MSMO1: variants seen among roughly 807,000 people sequenced by gnomAD.
MSMO1 encodes C-4 methylsterol oxidase.
MSMO1 carries 18 observed loss-of-function variants against 30.4 expected under a neutral mutation model. The ratio of observed to expected loss-of-function variants is 0.59; its 90% confidence interval spans 0.41 to 0.88. The LOEUF is 0.88. Ranked by LOEUF, MSMO1 falls within the 40% of genes least tolerant of loss-of-function variation. MSMO1 has a pLI of 0.00. For missense variants in MSMO1, 284 were observed against 340.5 expected, an observed-to-expected ratio of 0.83 and a Z score of 1.31; for synonymous variants, 84 against 107.9, an observed-to-expected ratio of 0.78 and a Z score of 1.37.
At chr4:165,339,240 G>C (rs1021025082) in intron 4 of MSMO1, among the ~76,000 whole-genome samples, 3 of 151,750 alleles carry the variant, frequency 2.0e-5, no homozygotes, top group African/African-American at 7.3e-5. Flanking sequence ...AGGTAGCTGG[G>C]ATTACAGGCA....
At chr4:165,328,231 G>T (rs1280021648) in intron 1 of MSMO1, 1 of 152,302 alleles carries the variant, frequency 6.6e-6, no homozygotes, top group African/African-American at 2.4e-5. Context: ...GTAAGGGAAC[G>T]ATATTTCCGT....
At chr4:165,338,261 T>C (rs1224180709) in intron 3 of MSMO1, among the ~76,000 whole-genome samples, 1 of 150,942 alleles carries the variant, frequency 6.6e-6, no homozygotes, top group Non-Finnish European at 1.5e-5. Context: ...GAATCATTTA[T>C]GAGGTTTATA....
intron 1 of MSMO1, among the ~76,000 whole-genome samples, chr4:165,331,483 A>G (rs1465897873): frequency 1.3e-5 from 2 of 150,126 alleles, no homozygotes; most frequent in Admixed American, 6.6e-5. Flanking sequence ...GAGCAAAGAA[A>G]TTTTAAGGCC....
intron 1 of MSMO1, among the ~76,000 whole-genome samples, chr4:165,332,889 GA>G (rs941940563): frequency 6.6e-6 from 1 of 151,864 alleles, no homozygotes; most frequent in Non-Finnish European, 1.5e-5. Context: ...TTTAATCTTT[GA>G]CTTTGTCTTT....
chr4:165,327,838 A>G (rs1747279539), intron 1 of MSMO1, 74 bp downstream of exon 1: 1 of 152,302 alleles, frequency 6.6e-6, no homozygotes, highest in Non-Finnish European at 1.5e-5. Context: ...GCTCCGTGAG[A>G]TCGAGGGGAG....
At chr4:165,328,147 T>A (rs1445332452) in intron 1 of MSMO1, 2 of 151,142 alleles carry the variant, frequency 1.3e-5, no homozygotes, top group East Asian at 3.9e-4. Context: ...GCTTTGGGAG[T>A]AGTGGGGTTG....
intron 2 of MSMO1, among the ~76,000 whole-genome samples, chr4:165,334,737 C>CAGCAAAA (rs1244174365): frequency 6.6e-6 from 1 of 152,166 alleles, no homozygotes; most frequent in African/African-American, 2.4e-5. Context: ...ATGATAGTTT[C>CAGCAAAA]TAGTGTTTGC....
chr4:165,337,702 A>G, intron 2 of MSMO1, 87 bp from the exon 3 acceptor site: 1 of 1,324,474 alleles, frequency 7.6e-7, no homozygotes, highest in East Asian at 2.3e-5. Flanking sequence ...CGTAGAATTA[A>G]GGTCCAACAT....
At position 165,342,746 on chromosome 4, in the gene MSMO1, G is replaced by C. The variant is rs1747750586; in HGVS notation, c.*800G>C. The C allele has an allele frequency of 6.6e-6, 1 of 152,172 alleles. No individual in the cohort carries two copies. The highest frequency in any genetic ancestry group is 6.5e-5 in the Admixed American group (1 of 15,268). The allele number at this position is 152,172 out of a possible 1,614,324, so 9.4% of individuals were successfully genotyped here. Reference sequence around the variant, plus strand: ...CAATTGATAGCAGTGAGTGACTGAAGCTTCCAAATCAAGAAAAGCCGGCAC... The same window carrying C: ...CAATTGATAGCAGTGAGTGACTGAACCTTCCAAATCAAGAAAAGCCGGCAC... On this transcript the variant is annotated 3_prime_UTR_variant, in exon 6 of 6. Coordinates refer to ENST00000261507, the MANE Select transcript of MSMO1 (RefSeq NM_006745.5).
At chr4:165,335,852 TTTGAGCA>T (rs1227239596) in intron 2 of MSMO1, among the ~76,000 whole-genome samples, 1 of 152,202 alleles carries the variant, frequency 6.6e-6, no homozygotes, top group Non-Finnish European at 1.5e-5. Flanking sequence ...AAGTCCATGC[TTTGAGCA>T]TTTTTGATAA....
Position 165,327,694 on chromosome 4 carries a change from C to G in MSMO1, c.-102C>G, listed in dbSNP as rs980969769. ...GGCTCCACCCCCAAGCCAGGCGAGG[C>G]AGGTTCCGAGGTTGGAACACCTGGC... On this transcript the variant is annotated 5_prime_UTR_variant, in exon 1 of 6. Transcript: ENST00000261507. 1 of 152,340 alleles carries G rather than the reference C, an allele frequency of 6.6e-6. No homozygotes were observed. Among genetic ancestry groups the G allele is most frequent in the Non-Finnish European group, 1.5e-5 (1 of 68,146 alleles). 9.4% of individuals were successfully genotyped at this position (152,340 alleles called of 1,614,324 possible). A position where few individuals can be genotyped will look rare whatever the true frequency, so the allele number is the denominator to read the frequency against.
At chr4:165,337,081 C>T (rs1267301410) in intron 2 of MSMO1, among the ~76,000 whole-genome samples, 3 of 152,186 alleles carry the variant, frequency 2.0e-5, no homozygotes, top group African/African-American at 4.8e-5. Context: ...TTGTCACCAT[C>T]GTTTTGTTAA....
chr4:165,341,024 A>G (rs547558322), intron 5 of MSMO1, among the ~76,000 whole-genome samples: 47 of 147,564 alleles, frequency 3.2e-4, no homozygotes, highest in African/African-American at 1.1e-3. Flanking sequence ...GAAAAATTGT[A>G]ATTGACATTT....
chr4:165,333,511 C>G lies in MSMO1; in HGVS notation c.141C>G (p.Phe47Leu), dbSNP rs1235904879. The part of the protein sequence containing the change: ...WNYMLNNYTK[F>L]QIATWGSLIV... ...ATATGTTGAATAATTATACAAAGTT[C>G]CAGATTGCAACATGGGGATCCCTTA... The change falls in exon 2 of 6, where the codon TTC becomes TTG. Residue 47 changes from phenylalanine (F) to leucine (L), a missense_variant. Phe to Leu is a conservative substitution (Grantham distance 22). Transcript: ENST00000261507. 6.2e-7 allele frequency: 1 copy of G among 1,613,514 alleles called. No individual in the cohort carries two copies. The highest frequency in any genetic ancestry group is 8.5e-7 in the Non-Finnish European group (1 of 1,179,734).
At chr4:165,334,000 G>A (rs571462808) in intron 2 of MSMO1, among the ~76,000 whole-genome samples, 2 of 152,266 alleles carry the variant, frequency 1.3e-5, no homozygotes, top group African/African-American at 4.8e-5. Context: ...GCATGGTGAT[G>A]TAAGTCCTAG....
intron 1 of MSMO1, among the ~76,000 whole-genome samples, chr4:165,333,046 C>T (rs1016447147): frequency 4.6e-5 from 7 of 152,078 alleles, no homozygotes; most frequent in Non-Finnish European, 7.4e-5. Flanking sequence ...ACCACACTGA[C>T]GATTTCTTTA....
intron 1 of MSMO1, among the ~76,000 whole-genome samples, chr4:165,332,062 C>T (rs572767287): frequency 3.9e-5 from 6 of 151,974 alleles, no homozygotes; most frequent in Admixed American, 6.6e-5. Context: ...TACCCCGCCA[C>T]GCTGTCTTCA....
Position 165,327,752 on chromosome 4 carries a change from C to CG in MSMO1, c.-43dup, listed in dbSNP as rs1387304777. ...CGGTGTCGGTGGCCGGCAGTCATCT[C>CG]GCGGCCGTTCAGGTGAGGGGGTTGG... On this transcript the variant is annotated 5_prime_UTR_variant, in exon 1 of 6. Coordinates refer to ENST00000261507, the MANE Select transcript of MSMO1 (RefSeq NM_006745.5). The CG allele has an allele frequency of 6.6e-6, 1 of 152,272 alleles. No individual in the cohort carries two copies. Among genetic ancestry groups the CG allele is most frequent in the African/African-American group, 2.4e-5 (1 of 41,456 alleles). 9.4% of individuals were successfully genotyped at this position (152,272 alleles called of 1,614,324 possible). A position where few individuals can be genotyped will look rare whatever the true frequency, so the allele number is the denominator to read the frequency against.
At chr4:165,336,009 T>G (rs930001295) in intron 2 of MSMO1, among the ~76,000 whole-genome samples, 6 of 152,232 alleles carry the variant, frequency 3.9e-5, no homozygotes, top group African/African-American at 1.4e-4. Flanking sequence ...ATCAATTGTT[T>G]AAGATAAAAT....
Sources: allele counts gnomAD v4.1 joint callset (sites outside exome capture counted in the v4.1 genomes callset), GRCh38; gene constraint gnomAD v4.1.1; transcripts MANE v1.5; gene names NCBI Gene and HGNC (gene_info 2026-07-23, HGNC 2026-07-21).